Variants in TM9SF3 observed in about 807,000 individuals in gnomAD.
TM9SF3 encodes transmembrane 9 superfamily member 3, also known as SM-11044-binding protein.
TM9SF3 carries 14 observed loss-of-function variants against 78.6 expected under a neutral mutation model. The observed-to-expected ratio is 0.18, with a 90% CI of 0.12 to 0.28. The LOEUF is 0.28. Among genes scored for constraint, TM9SF3 ranks in the 10% least tolerant of loss-of-function variants. The probability of loss-of-function intolerance (pLI) is 1.00; values close to 1 mark genes in which losing one functional copy is unlikely to be tolerated. For synonymous variants in TM9SF3, 231 were observed against 241.7 expected (o/e 0.96, Z 0.41); for missense variants, 496 against 721.9 (o/e 0.69, Z 3.59).
At chr10:96,585,259 T>A (rs1401446704) in intron 1 of TM9SF3, among the ~76,000 whole-genome samples, 1 of 152,190 alleles carries the variant, frequency 6.6e-6, no homozygotes, top group African/African-American at 2.4e-5. Context: ...ATTGGAAATA[T>A]ATTAGTAATA....
intron 2 of TM9SF3, among the ~76,000 whole-genome samples, chr10:96,574,240 A>C (rs550568248): frequency 6.6e-6 from 1 of 152,166 alleles, no homozygotes; most frequent in Non-Finnish European, 1.5e-5. Context: ...AAAACCAAAC[A>C]ACCCCATCAA....
rs1288426593 is a variant in TM9SF3, at chr10:96,518,224, C to T, written c.*4039G>A. The T allele has an allele frequency of 6.6e-6, 1 of 152,066 alleles. No homozygotes were observed. Among genetic ancestry groups the T allele is most frequent in the Non-Finnish European group, 1.5e-5 (1 of 67,984 alleles). 9.4% of individuals were successfully genotyped at this position (152,066 alleles called of 1,614,324 possible). ...ATACTGGATTTCTATTACTAAAAAG[C>T]CAGTTGGAATATGGCCTATACGAAC... On this transcript the variant is annotated 3_prime_UTR_variant, in exon 15 of 15. Coordinates refer to ENST00000371142, the MANE Select transcript of TM9SF3 (RefSeq NM_020123.4).
At position 96,586,880 on chromosome 10, in the gene TM9SF3, C is replaced by G; in HGVS notation, c.-45G>C. 1.4e-5 allele frequency: 13 copies of G among 952,538 alleles called. No homozygotes were observed. Among genetic ancestry groups the G allele is most frequent in the Non-Finnish European group, 1.7e-5 (13 of 768,860 alleles). 59.0% of individuals were successfully genotyped at this position (952,538 alleles called of 1,614,324 possible). On this transcript the variant is annotated 5_prime_UTR_variant, in exon 1 of 15. Coordinates refer to ENST00000371142, the MANE Select transcript of TM9SF3 (RefSeq NM_020123.4). ...CGGAGCCGGCTCACCGACTCCTCCT[C>G]CCGCCGCCGCCTCCTCCGCCGCCGC...
At chr10:96,574,448 A>G (rs1848474041) in intron 2 of TM9SF3, among the ~76,000 whole-genome samples, 1 of 152,230 alleles carries the variant, frequency 6.6e-6, no homozygotes, top group Non-Finnish European at 1.5e-5. Flanking sequence ...GGATGGGAGA[A>G]ACAGGAATGC....
intron 9 of TM9SF3, among the ~76,000 whole-genome samples, chr10:96,542,436 T>C (rs1848045383): frequency 6.6e-6 from 1 of 152,198 alleles, no homozygotes; most frequent in Non-Finnish European, 1.5e-5. Flanking sequence ...ATTCTAATAA[T>C]TTGTAATTAT....
At chr10:96,530,681 C>T (rs1847884596) in intron 10 of TM9SF3, 73 bp from the exon 11 acceptor site, 4 of 1,349,968 alleles carry the variant, frequency 3.0e-6, no homozygotes, top group Middle Eastern at 3.9e-4. Flanking sequence ...TAACAGAAAG[C>T]AGGTACTTGA....
intron 1 of TM9SF3, among the ~76,000 whole-genome samples, chr10:96,586,525 A>ACTCGGGAGCGGAGCCCTGT (rs1460900486): frequency 1.3e-5 from 2 of 151,210 alleles, no homozygotes; most frequent in Non-Finnish European, 2.9e-5. Flanking sequence ...AGACCCTGTC[A>ACTCGGGAGCGGAGCCCTGT]CTCGGGAGCG....
chr10:96,583,418 A>C (rs1257114633), intron 1 of TM9SF3, among the ~76,000 whole-genome samples: 1 of 152,228 alleles, frequency 6.6e-6, no homozygotes, highest in Non-Finnish European at 1.5e-5. Flanking sequence ...AAGATCTCAG[A>C]AACAACTCAT....
intron 2 of TM9SF3, among the ~76,000 whole-genome samples, chr10:96,565,893 C>T (rs1667432361): frequency 1.3e-5 from 2 of 152,110 alleles, no homozygotes; most frequent in South Asian, 4.1e-4. Context: ...TTACTGGAAG[C>T]CACAGATTCT....
At chr10:96,540,595 G>A (rs1218647751) in intron 9 of TM9SF3, among the ~76,000 whole-genome samples, 31 of 151,278 alleles carry the variant, frequency 2.0e-4, no homozygotes, top group Non-Finnish European at 1.5e-4. Flanking sequence ...AAAATAAAGA[G>A]GAAGAATGGG....
intron 9 of TM9SF3, among the ~76,000 whole-genome samples, chr10:96,542,157 C>G (rs1848041453): frequency 6.6e-6 from 1 of 152,186 alleles, no homozygotes; most frequent in Admixed American, 6.5e-5. Context: ...TAATGAAGAG[C>G]TGGGTGAAAC....
chr10:96,544,118 G>A lies in TM9SF3; in HGVS notation c.1143C>T (p.Ala381=), dbSNP rs1455684383. The change falls in exon 9 of 15, where the codon GCC becomes GCT. Residue 381 remains alanine (A), a synonymous_variant. Transcript: ENST00000371142. The stretch of plus-strand genomic sequence containing the variant: ...TGGCTCTTGAAGCATGGTAATAAAT[G>A]GCTATGAAATTGATGAAGAAGGCAG... The part of the protein sequence containing the change: ...CGTAFFINFI[A]IYYHASRAIP... 6.2e-7 allele frequency: 1 copy of A among 1,613,050 alleles called. No homozygotes were observed. The highest frequency in any genetic ancestry group is 8.5e-7 in the Non-Finnish European group (1 of 1,179,544).
chr10:96,582,107 C>CAA (rs369619360), intron 1 of TM9SF3, among the ~76,000 whole-genome samples: 1 of 139,856 alleles, frequency 7.2e-6, no homozygotes. Context: ...TATAACAGAC[C>CAA]AAAAAAAAAA....
Position 96,520,110 on chromosome 10 carries a change from AGACT to A in TM9SF3, c.*2149_*2152del, listed in dbSNP as rs1847746115. On this transcript the variant is annotated 3_prime_UTR_variant, in exon 15 of 15. Coordinates refer to ENST00000371142, the MANE Select transcript of TM9SF3 (RefSeq NM_020123.4). Reference sequence around the variant, plus strand: ...TGTCCAATTTATACTCCCATCAGACAGACTATGTATTGGTATGTTAAAAGTACTT... The same window carrying A: ...TGTCCAATTTATACTCCCATCAGACAATGTATTGGTATGTTAAAAGTACTT... 1 of 151,942 alleles carries A rather than the reference AGACT, an allele frequency of 6.6e-6. No individual in the cohort carries two copies. Among genetic ancestry groups the A allele is most frequent in the South Asian group, 2.1e-4 (1 of 4,830 alleles). The allele number at this position is 151,942 out of a possible 1,614,324, so 9.4% of individuals were successfully genotyped here. A position where few individuals can be genotyped will look rare whatever the true frequency, so the allele number is the denominator to read the frequency against.
chr10:96,551,667 A>G (rs1368137024), intron 6 of TM9SF3, among the ~76,000 whole-genome samples: 1 of 152,216 alleles, frequency 6.6e-6, no homozygotes, highest in African/African-American at 2.4e-5. Flanking sequence ...AAGGTTTAGT[A>G]ACAAAAAGAA....
intron 8 of TM9SF3, among the ~76,000 whole-genome samples, chr10:96,546,007 C>A (rs899785062): frequency 6.6e-6 from 1 of 152,306 alleles, no homozygotes; most frequent in South Asian, 2.1e-4. Flanking sequence ...CAACCAGTAA[C>A]CCAAGTATCT....
At chr10:96,570,205 C>T (rs567461383) in intron 2 of TM9SF3, among the ~76,000 whole-genome samples, 89 of 152,096 alleles carry the variant, frequency 5.9e-4, no homozygotes, top group Admixed American at 9.8e-4. Context: ...AAACAGTGTC[C>T]GGCACATAAT....
At chr10:96,584,056 CA>C (rs201227679) in intron 1 of TM9SF3, among the ~76,000 whole-genome samples, 1 of 148,898 alleles carries the variant, frequency 6.7e-6, no homozygotes, top group Non-Finnish European at 1.5e-5. Context: ...ACAAAACAAA[CA>C]AAAAAAAACA....
intron 1 of TM9SF3, among the ~76,000 whole-genome samples, chr10:96,585,576 A>G (rs1299112125): frequency 1.3e-5 from 2 of 152,260 alleles, no homozygotes; most frequent in East Asian, 1.9e-4. Context: ...AGAACAGTCA[A>G]AAGTTTAGAG....
Sources: allele counts gnomAD v4.1 joint callset (sites outside exome capture counted in the v4.1 genomes callset), GRCh38; gene constraint gnomAD v4.1.1; transcripts MANE v1.5; gene names NCBI Gene and HGNC (gene_info 2026-07-23, HGNC 2026-07-21).